The following ANKS1B variants were observed in gnomAD, a reference collection of about 807,000 sequenced individuals.
ANKS1B encodes the protein ankyrin repeat and sterile alpha motif domain-containing protein 1B.
In ANKS1B, 36 loss-of-function variants were observed where a neutral mutation model predicts 148.3. The ratio of observed to expected loss-of-function variants is 0.24; its 90% confidence interval spans 0.19 to 0.32. The LOEUF (loss-of-function observed/expected upper bound fraction) is 0.32, where lower values mean the gene tolerates loss of function less well. ANKS1B is among the 10% of genes least tolerant of loss of function. The pLI is 1.00. For missense variants in ANKS1B, 1,157 were observed against 1,542.6 expected, an observed-to-expected ratio of 0.75 and a Z score of 4.19; for synonymous variants, 542 against 560.8, an observed-to-expected ratio of 0.97 and a Z score of 0.47.
At chr12:99,844,094 TG>T (rs1299314773) in intron 1 of ANKS1B, among the ~76,000 whole-genome samples, 2 of 152,162 alleles carry the variant, frequency 1.3e-5, no homozygotes, top group African/African-American at 4.8e-5. Flanking sequence ...TTAATGGGGT[TG>T]TTTTTTTCTT....
In ANKS1B at chr12:99,347,578, A is replaced by C. The variant is rs78083014; in HGVS notation, c.1756+52053T>G. Among the ~76,000 whole-genome samples the C allele has an allele frequency of 4.9e-4, 74 of 152,152 alleles. 1 individual carries two copies. The East Asian group carries it at 0.013, about 27-fold the overall frequency. ...TTTGTTTTATCCAGGCATTTAAGGA[A>C]ATCTTTGTCAAATCACTAGCTGACC... On this transcript the variant is annotated intron_variant, in intron 12 of 26. Coordinates refer to ENST00000683438, the MANE Select transcript of ANKS1B (RefSeq NM_001352186.2).
intron 17 of ANKS1B, among the ~76,000 whole-genome samples, chr12:98,878,924 T>C (rs1301962524): frequency 6.6e-6 from 1 of 152,172 alleles, no homozygotes; most frequent in Non-Finnish European, 1.5e-5. Flanking sequence ...AATGTCTTAA[T>C]TTTTAAGCTT....
At chr12:99,904,447 C>T (rs74441708) in intron 1 of ANKS1B, among the ~76,000 whole-genome samples, 29,322 of 152,182 alleles carry the variant, frequency 0.19, 3,052 homozygotes, top group Non-Finnish European at 0.24. Context: ...CTGCCTCAGC[C>T]TCCCACACTG....
chr12:99,223,588 G>T lies in ANKS1B; in HGVS notation c.2419+20754C>A, dbSNP rs147414256. Among the ~76,000 whole-genome samples, 61 of 152,292 alleles carry T rather than the reference G, an allele frequency of 4.0e-4. No homozygotes were observed. The East Asian group carries it at 0.011, about 26-fold the overall frequency. On this transcript the variant is annotated intron_variant, in intron 14 of 26. Transcript: ENST00000683438. ...ATGAGAATCTAATGCTGCTGCTGAT[G>T]TGACAGGATGCAGATCTCCGGTGGT...
At chr12:99,747,049 C>A (rs538435770) in intron 8 of ANKS1B, among the ~76,000 whole-genome samples, 2 of 152,134 alleles carry the variant, frequency 1.3e-5, no homozygotes, top group Admixed American at 1.3e-4. Flanking sequence ...ATATTCTTCA[C>A]ACTCCCAAAA....
intron 17 of ANKS1B, among the ~76,000 whole-genome samples, chr12:99,030,496 T>A (rs575342924): frequency 1.3e-4 from 20 of 148,172 alleles, no homozygotes; most frequent in African/African-American, 4.8e-4. Flanking sequence ...TATCTTAGCA[T>A]CAAATCCAGC....
At chr12:99,527,888 A>G (rs1332425110) in intron 9 of ANKS1B, among the ~76,000 whole-genome samples, 2 of 152,132 alleles carry the variant, frequency 1.3e-5, no homozygotes, top group Non-Finnish European at 2.9e-5. Flanking sequence ...GGGACCAAAA[A>G]AAAAAAAATG....
intron 17 of ANKS1B, among the ~76,000 whole-genome samples, chr12:98,953,489 G>A (rs1023597908): frequency 7.5e-6 from 1 of 134,116 alleles, no homozygotes; most frequent in Non-Finnish European, 1.6e-5. Context: ...TTGTCTTATT[G>A]ATACTTCCTT....
intron 17 of ANKS1B, among the ~76,000 whole-genome samples, chr12:98,952,181 T>C (rs994936006): frequency 5.9e-5 from 9 of 152,240 alleles, no homozygotes; most frequent in African/African-American, 2.2e-4. Flanking sequence ...TATGATTTCA[T>C]TTTTCATAAC....
In ANKS1B at chr12:98,757,957, T is replaced by TGTGTGTGTGTGTGTGC. The variant is rs2098298818; in HGVS notation, c.3580-6436_3580-6435insGCACACACACACACAC. On this transcript the variant is annotated intron_variant, in intron 25 of 26. Transcript: ENST00000683438. ...GTGCACGTGTGTGTGTGTGTGTGTGTGCACACGGGGTGCAGGTGTGAGGGT... is the reference window on the plus strand; with the variant it reads ...GTGCACGTGTGTGTGTGTGTGTGTGTGTGTGTGTGTGTGTGCGCACACGGGGTGCAGGTGTGAGGGT... Among the ~76,000 whole-genome samples, 5 of 98,702 alleles carry TGTGTGTGTGTGTGTGC rather than the reference T, an allele frequency of 5.1e-5. 1 individual carries two copies. The South Asian group carries it at 1.3e-3, about 26-fold the overall frequency. The allele number at this position is 98,702 out of a possible 152,430, so 64.8% of individuals were successfully genotyped here. A position where few individuals can be genotyped will look rare whatever the true frequency, so the allele number is the denominator to read the frequency against.
chr12:98,915,201 T>C (rs920349169), intron 17 of ANKS1B, among the ~76,000 whole-genome samples: 2 of 152,030 alleles, frequency 1.3e-5, no homozygotes, highest in African/African-American at 4.8e-5. Flanking sequence ...CTAGAAAGAA[T>C]GGCATGTGAA....
In ANKS1B at chr12:98,745,145, C is replaced by T; in HGVS notation, c.*594G>A. The T allele has an allele frequency of 3.0e-6, 3 of 985,772 alleles. No individual in the cohort carries two copies. Among genetic ancestry groups the T allele is most frequent in the Non-Finnish European group, 3.6e-6 (3 of 829,914 alleles). 61.1% of individuals were successfully genotyped at this position (985,772 alleles called of 1,614,324 possible). A position where few individuals can be genotyped will look rare whatever the true frequency, so the allele number is the denominator to read the frequency against. The stretch of plus-strand genomic sequence containing the variant: ...CATTTGGTTGAAAGGTTTTCTTTCT[C>T]TGACATAGGTGATTACATATAAAAT... On this transcript the variant is annotated 3_prime_UTR_variant, in exon 27 of 27. Transcript: ENST00000683438.
intron 22 of ANKS1B, among the ~76,000 whole-genome samples, chr12:98,795,862 G>A (rs912811306): frequency 5.3e-5 from 8 of 152,114 alleles, no homozygotes; most frequent in African/African-American, 7.2e-5. Context: ...CTTGGACTTT[G>A]TTTTCCCATA....
chr12:98,783,106 T>C (rs1593515063), intron 22 of ANKS1B, among the ~76,000 whole-genome samples: 2 of 152,274 alleles, frequency 1.3e-5, no homozygotes, highest in South Asian at 4.1e-4. Context: ...TCTTTTGCCA[T>C]GAATCCATTC....
intron 15 of ANKS1B, among the ~76,000 whole-genome samples, chr12:99,114,122 T>C (rs917968103): frequency 1.3e-5 from 2 of 152,220 alleles, no homozygotes; most frequent in Non-Finnish European, 2.9e-5. Context: ...TAGGTGGATA[T>C]GATCATTTTC....
intron 12 of ANKS1B, among the ~76,000 whole-genome samples, chr12:99,385,459 G>C (rs1240831192): frequency 6.6e-6 from 1 of 152,136 alleles, no homozygotes; most frequent in East Asian, 1.9e-4. Context: ...ACAGAGCGAG[G>C]CTGTGTCAAA....
At chr12:99,379,953 T>C (rs903110594) in intron 12 of ANKS1B, among the ~76,000 whole-genome samples, 1 of 152,236 alleles carries the variant, frequency 6.6e-6, no homozygotes, top group Non-Finnish European at 1.5e-5. Flanking sequence ...TTAGAGTCTC[T>C]TTTGTGAACT....
intron 12 of ANKS1B, chr12:99,386,356 T>C (rs1163808050): frequency 6.6e-6 from 1 of 152,236 alleles, no homozygotes; most frequent in Non-Finnish European, 1.5e-5. Flanking sequence ...CACTGGATTC[T>C]GATCATCACT....
intron 17 of ANKS1B, among the ~76,000 whole-genome samples, chr12:98,994,688 G>A (rs931699622): frequency 1.3e-5 from 2 of 152,150 alleles, no homozygotes; most frequent in African/African-American, 4.8e-5. Context: ...AGGGCTGACT[G>A]CTTCTAAAGC....
Sources: allele counts gnomAD v4.1 joint callset (sites outside exome capture counted in the v4.1 genomes callset), GRCh38; gene constraint gnomAD v4.1.1; transcripts MANE v1.5; gene names NCBI Gene and HGNC (gene_info 2026-07-23, HGNC 2026-07-21).